NKAIN2: variants seen among roughly 807,000 people sequenced by gnomAD.
NKAIN2 encodes sodium/potassium transporting ATPase interacting 2.
Under a neutral mutation model 32.6 loss-of-function variants are expected in NKAIN2, and 14 were observed. The ratio of observed to expected loss-of-function variants is 0.43; its 90% confidence interval spans 0.28 to 0.67. NKAIN2 has a LOEUF of 0.67. Among genes scored for constraint, NKAIN2 ranks in the 30% least tolerant of loss-of-function variants. NKAIN2 has a pLI of 0.17. For synonymous variants in NKAIN2, 80 were observed against 87.2 expected, an observed-to-expected ratio of 0.92 and a Z score of 0.46; for missense variants, 198 against 258.3, an observed-to-expected ratio of 0.77 and a Z score of 1.60.
chr6:124,167,731 G>T (rs1214584935), intron 1 of NKAIN2, among the ~76,000 whole-genome samples: 3 of 152,248 alleles, frequency 2.0e-5, no homozygotes, highest in African/African-American at 2.4e-5. Context: ...AGCATGAAGG[G>T]TTGTTGAATT....
intron 1 of NKAIN2, among the ~76,000 whole-genome samples, chr6:123,982,197 A>G (rs1778930955): frequency 6.6e-6 from 1 of 152,156 alleles, no homozygotes; most frequent in South Asian, 2.1e-4. Flanking sequence ...AGGCAGACCC[A>G]TGTCAACCTT....
chr6:124,341,628 G>C (rs1798119216), intron 2 of NKAIN2, among the ~76,000 whole-genome samples: 2 of 152,220 alleles, frequency 1.3e-5, no homozygotes, highest in East Asian at 1.9e-4. Context: ...CAGCAGCACT[G>C]ATAAAAAATG....
chr6:123,849,231 T>C (rs1375947535), intron 1 of NKAIN2, among the ~76,000 whole-genome samples: 3 of 152,214 alleles, frequency 2.0e-5, no homozygotes, highest in African/African-American at 4.8e-5. Context: ...CTTTTAGTTA[T>C]AATAGAATTA....
At chr6:124,452,764 A>G (rs1776160160) in intron 3 of NKAIN2, among the ~76,000 whole-genome samples, 2 of 152,184 alleles carry the variant, frequency 1.3e-5, no homozygotes, top group Admixed American at 1.3e-4. Flanking sequence ...TTGGAAGAAC[A>G]GGACTTGTTA....
chr6:124,467,010 T>A (rs1487866563), intron 3 of NKAIN2, among the ~76,000 whole-genome samples: 1 of 152,116 alleles, frequency 6.6e-6, no homozygotes, highest in Non-Finnish European at 1.5e-5. Flanking sequence ...ATGAGAAGAC[T>A]TGTTGAAGTA....
chr6:124,458,989 C>T (rs1203223301), intron 3 of NKAIN2, among the ~76,000 whole-genome samples: 1 of 151,776 alleles, frequency 6.6e-6, no homozygotes, highest in Non-Finnish European at 1.5e-5. Context: ...CTGGGTCAAG[C>T]CATCAGACAA....
At chr6:124,691,529 C>T (rs981324617) in intron 4 of NKAIN2, among the ~76,000 whole-genome samples, 2 of 152,154 alleles carry the variant, frequency 1.3e-5, no homozygotes, top group African/African-American at 2.4e-5. Context: ...TACCGCCCCC[C>T]GCCCCACGTG....
intron 1 of NKAIN2, among the ~76,000 whole-genome samples, chr6:124,188,075 A>G (rs2114575010): frequency 6.6e-6 from 1 of 152,330 alleles, no homozygotes; most frequent in Non-Finnish European, 1.5e-5. Context: ...GAAGTAACAT[A>G]CAAATAATAC....
chr6:124,277,355 A>G (rs1795079679), intron 1 of NKAIN2, among the ~76,000 whole-genome samples: 1 of 151,890 alleles, frequency 6.6e-6, no homozygotes. Flanking sequence ...AAGACTTTGG[A>G]CTCAACCTAG....
chr6:124,186,288 G>T (rs1789738417), intron 1 of NKAIN2, among the ~76,000 whole-genome samples: 1 of 151,956 alleles, frequency 6.6e-6, no homozygotes, highest in Admixed American at 6.6e-5. Flanking sequence ...GAAAGAGAGA[G>T]AGAGAATAGC....
At chr6:124,657,791 A>G (rs532883271) in intron 3 of NKAIN2, among the ~76,000 whole-genome samples, 219 of 152,096 alleles carry the variant, frequency 1.4e-3, no homozygotes, top group African/African-American at 5.2e-3. Flanking sequence ...ACATTTTGAG[A>G]GAAAAAAATA....
intron 3 of NKAIN2, among the ~76,000 whole-genome samples, chr6:124,637,688 T>C (rs1783824926): frequency 6.6e-6 from 1 of 151,888 alleles, no homozygotes; most frequent in African/African-American, 2.4e-5. Context: ...AATAAATACC[T>C]AGAAATAAAT....
At chr6:124,770,384 G>T (rs930193928) in intron 4 of NKAIN2, among the ~76,000 whole-genome samples, 1 of 152,120 alleles carries the variant, frequency 6.6e-6, no homozygotes, top group African/African-American at 2.4e-5. Flanking sequence ...AAAAGGAGGT[G>T]GTAAAACTTC....
At chr6:124,681,967 T>C (rs1232648765) in intron 4 of NKAIN2, among the ~76,000 whole-genome samples, 2 of 151,882 alleles carry the variant, frequency 1.3e-5, no homozygotes, top group Non-Finnish European at 2.9e-5. Flanking sequence ...AAGAAAATAT[T>C]ACAGGAAAGG....
intron 3 of NKAIN2, among the ~76,000 whole-genome samples, chr6:124,390,012 A>G (rs911886737): frequency 7.2e-5 from 11 of 152,032 alleles, no homozygotes; most frequent in African/African-American, 2.7e-4. Flanking sequence ...CTGAAGGCTT[A>G]GGTTATGTTA....
At chr6:124,016,917 A>G (rs1414317092) in intron 1 of NKAIN2, among the ~76,000 whole-genome samples, 1 of 152,198 alleles carries the variant, frequency 6.6e-6, no homozygotes, top group African/African-American at 2.4e-5. Context: ...GACTAAGATG[A>G]CAACCCCAGG....
chr6:123,858,621 A>C (rs1208643460), intron 1 of NKAIN2, among the ~76,000 whole-genome samples: 3 of 152,222 alleles, frequency 2.0e-5, no homozygotes, highest in Non-Finnish European at 2.9e-5. Flanking sequence ...TTTCTTTAGT[A>C]GTAGAACTTG....
rs184052633 is a variant in NKAIN2, at chr6:124,539,940, C to T, written c.274-118246C>T. ...TTCACTGTGTTGCCCAGGCTGGTCTCGAACTCCTGAGCTCAGGCAATCTGC... is the reference window on the plus strand; with the variant it reads ...TTCACTGTGTTGCCCAGGCTGGTCTTGAACTCCTGAGCTCAGGCAATCTGC... On this transcript the variant is annotated intron_variant, in intron 3 of 6. Coordinates refer to ENST00000368417, the MANE Select transcript of NKAIN2 (RefSeq NM_001040214.3). Among the ~76,000 whole-genome samples, 906 of 152,228 alleles carry T rather than the reference C, an allele frequency of 6.0e-3. 2 individuals carry two copies. The highest frequency in any genetic ancestry group is 0.011 in the Non-Finnish European group (749 of 68,022).
intron 1 of NKAIN2, among the ~76,000 whole-genome samples, chr6:124,148,783 T>G (rs528024907): frequency 3.5e-4 from 54 of 152,346 alleles, no homozygotes; most frequent in Admixed American, 1.1e-3. Flanking sequence ...AGGAATATTA[T>G]GTATAACTTT....
Sources: allele counts gnomAD v4.1 joint callset (sites outside exome capture counted in the v4.1 genomes callset), GRCh38; gene constraint gnomAD v4.1.1; transcripts MANE v1.5; gene names NCBI Gene and HGNC (gene_info 2026-07-23, HGNC 2026-07-21).